TRIM44: variants seen among roughly 807,000 people sequenced by gnomAD.
TRIM44 encodes tripartite motif containing 44, also known as tripartite motif-containing protein 44.
Under a neutral mutation model 37.4 loss-of-function variants are expected in TRIM44, and 13 were observed. The ratio of observed to expected loss-of-function variants is 0.35; its 90% CI spans 0.23 to 0.55. The LOEUF (loss-of-function observed/expected upper bound fraction) is 0.55, where lower values mean the gene tolerates loss of function less well. Ranked by LOEUF, TRIM44 falls within the 20% of genes least tolerant of loss-of-function variation. The pLI, the probability that TRIM44 is intolerant of heterozygous loss-of-function variation, is 0.89. For synonymous variants in TRIM44, 175 were observed against 157.2 expected (o/e 1.11, Z -0.85); for missense variants, 426 against 437.2 (o/e 0.97, Z 0.23).
intron 4 of TRIM44, among the ~76,000 whole-genome samples, chr11:35,780,104 T>G (rs1853043069): frequency 6.6e-6 from 1 of 152,146 alleles, no homozygotes; most frequent in African/African-American, 2.4e-5. Context: ...TTTTTGGTTA[T>G]ATACTAATTT....
intron 2 of TRIM44, among the ~76,000 whole-genome samples, chr11:35,703,868 G>C (rs1220102287): frequency 2.0e-5 from 3 of 152,106 alleles, no homozygotes; most frequent in Non-Finnish European, 4.4e-5. Flanking sequence ...CTTCTCCAAA[G>C]GAACACAGCT....
intron 2 of TRIM44, among the ~76,000 whole-genome samples, chr11:35,718,447 AC>A (rs1472760916): frequency 1.3e-5 from 2 of 152,170 alleles, no homozygotes; most frequent in Non-Finnish European, 2.9e-5. Flanking sequence ...TTTTAGGTTA[AC>A]AGAAAAATTG....
intron 2 of TRIM44, among the ~76,000 whole-genome samples, chr11:35,713,430 G>A (rs1205210540): frequency 6.6e-6 from 1 of 151,338 alleles, no homozygotes; most frequent in Non-Finnish European, 1.5e-5. Context: ...TATAGAAGAT[G>A]TATTGAGAAT....
intron 4 of TRIM44, among the ~76,000 whole-genome samples, chr11:35,767,391 C>T (rs910893424): frequency 6.6e-6 from 1 of 151,988 alleles, no homozygotes; most frequent in East Asian, 1.9e-4. Flanking sequence ...CTTACCTGGC[C>T]CTCCTCTGTC....
intron 4 of TRIM44, among the ~76,000 whole-genome samples, chr11:35,740,849 G>C (rs1208246198): frequency 6.6e-6 from 1 of 152,094 alleles, no homozygotes. Flanking sequence ...GGAACAACCT[G>C]CTTACAGATT....
chr11:35,665,647 T>G (rs1364207498), intron 1 of TRIM44, among the ~76,000 whole-genome samples: 2 of 138,338 alleles, frequency 1.4e-5, no homozygotes, highest in African/African-American at 2.7e-5. Context: ...CAGGCTGGAG[T>G]ACAGTGGCTA....
At chr11:35,711,437 G>T (rs1851971098) in intron 2 of TRIM44, among the ~76,000 whole-genome samples, 1 of 150,052 alleles carries the variant, frequency 6.7e-6, no homozygotes, top group South Asian at 2.1e-4. Flanking sequence ...GGGCAAATCT[G>T]TGCTTAATCT....
chr11:35,743,554 C>A (rs1305110273), intron 4 of TRIM44, among the ~76,000 whole-genome samples: 1 of 152,212 alleles, frequency 6.6e-6, no homozygotes, highest in Non-Finnish European at 1.5e-5. Context: ...GAAAACTAAG[C>A]AACTGAGGTA....
chr11:35,786,745 A>AT, intron 4 of TRIM44, among the ~76,000 whole-genome samples: 1 of 152,302 alleles, frequency 6.6e-6, no homozygotes, highest in South Asian at 2.1e-4. Context: ...CATTGAATAA[A>AT]TTTTTTAAAA....
In TRIM44 at chr11:35,790,561, ATG is replaced by A. The variant is rs147614301; in HGVS notation, c.1008-15793_1008-15792del. 0.014 allele frequency among the ~76,000 whole-genome samples: 2,101 copies of A among 152,168 alleles called. 117 individuals carry two copies. In the East Asian group the frequency reaches 0.14, roughly 10 times the overall value. ...TGCTTCAGCTCTATTTGATGTTTTT[ATG>A]TGTTTTGGGTCATCTAATGGTGACC... On this transcript the variant is annotated intron_variant, in intron 4 of 4. Transcript: ENST00000299413.
In TRIM44 at chr11:35,816,964, A is replaced by G. The variant is rs191407231; in HGVS notation, c.*10579A>G. On this transcript the variant is annotated 3_prime_UTR_variant, in exon 5 of 5. Transcript: ENST00000299413. ...TCATAGCCCTCTGTACCACATCCCC[A>G]TGTACTTTTTCATATCAACGGTAAG... is the stretch of plus-strand genomic sequence containing the variant. The G allele has an allele frequency of 3.3e-5, 5 of 152,186 alleles. No individual in the cohort carries two copies. The highest frequency in any genetic ancestry group is 1.3e-4 in the Admixed American group (2 of 15,276). The allele number at this position is 152,186 out of a possible 1,614,324, so 9.4% of individuals were successfully genotyped here. A position where few individuals can be genotyped will look rare whatever the true frequency, so the allele number is the denominator to read the frequency against.
intron 4 of TRIM44, among the ~76,000 whole-genome samples, chr11:35,746,114 G>T (rs538109521): frequency 8.5e-5 from 13 of 152,280 alleles, no homozygotes; most frequent in Non-Finnish European, 1.0e-4. Context: ...ATGCCACATT[G>T]GTCCCTGAGT....
intron 4 of TRIM44, among the ~76,000 whole-genome samples, chr11:35,753,998 T>C (rs1852590777): frequency 6.6e-6 from 1 of 151,756 alleles, no homozygotes; most frequent in African/African-American, 2.4e-5. Context: ...GAGCTGAGAC[T>C]GCACCACTGC....
At chr11:35,793,153 G>A (rs1853236800) in intron 4 of TRIM44, among the ~76,000 whole-genome samples, 1 of 128,232 alleles carries the variant, frequency 7.8e-6, no homozygotes, top group Non-Finnish European at 1.7e-5. Flanking sequence ...ATGACCGGCT[G>A]CAGTTATAAA....
chr11:35,727,994 T>C (rs971519756), intron 3 of TRIM44, among the ~76,000 whole-genome samples: 12 of 152,356 alleles, frequency 7.9e-5, no homozygotes, highest in Middle Eastern at 6.8e-3. Context: ...CCCCTTCATT[T>C]ATTCCCTATG....
At position 35,813,397 on chromosome 11, in the gene TRIM44, A is replaced by G. The variant is rs1446052964; in HGVS notation, c.*7012A>G. On this transcript the variant is annotated 3_prime_UTR_variant, in exon 5 of 5. Transcript: ENST00000299413. ...CTTCCAACCAATTGAAATAAATACC[A>G]TGAAGCAAACGCATAAGACAAAGGC... 1.3e-5 allele frequency: 2 copies of G among 152,188 alleles called. No homozygotes were observed. Among genetic ancestry groups the G allele is most frequent in the Non-Finnish European group, 2.9e-5 (2 of 68,038 alleles). The allele number at this position is 152,188 out of a possible 1,614,324, so 9.4% of individuals were successfully genotyped here.
chr11:35,794,037 G>T (rs1009362319), intron 4 of TRIM44, among the ~76,000 whole-genome samples: 3 of 152,106 alleles, frequency 2.0e-5, no homozygotes, highest in African/African-American at 7.2e-5. Flanking sequence ...CTTTAAAGAG[G>T]CATCTCACCC....
At chr11:35,725,424 TC>T (rs1852162622) in intron 2 of TRIM44, among the ~76,000 whole-genome samples, 1 of 151,938 alleles carries the variant, frequency 6.6e-6, no homozygotes, top group Non-Finnish European at 1.5e-5. Context: ...ACCTCCACCT[TC>T]TTGGTTCAAG....
chr11:35,774,720 A>G (rs1295505006), intron 4 of TRIM44, among the ~76,000 whole-genome samples: 1 of 152,260 alleles, frequency 6.6e-6, no homozygotes, highest in Non-Finnish European at 1.5e-5. Context: ...TTTATTAAAT[A>G]GGGAATCCTT....
Sources: gnomAD v4.1 joint callset for allele counts (sites outside exome capture counted in the v4.1 genomes callset) on GRCh38, gnomAD v4.1.1 for gene constraint, MANE v1.5 for transcripts, NCBI Gene and HGNC (gene_info 2026-07-23, HGNC 2026-07-21) for gene names.